The following PRR16 variants were observed in gnomAD, a reference collection of about 807,000 sequenced individuals.
PRR16 encodes the protein protein Largen.
PRR16 carries 6 observed loss-of-function variants against 18.2 expected under a neutral mutation model. That is an observed-to-expected ratio of 0.33 (90% CI 0.18 to 0.65). The LOEUF (loss-of-function observed/expected upper bound fraction) is 0.65. Ranked by LOEUF, PRR16 falls within the 30% of genes least tolerant of loss-of-function variation. The probability of loss-of-function intolerance (pLI) is 0.74; values close to 1 mark genes in which losing one functional copy is unlikely to be tolerated. For missense variants in PRR16, 412 were observed against 376.6 expected (o/e 1.09, Z -0.78); for synonymous variants, 151 against 147.8 (o/e 1.02, Z -0.16).
chr5:120,753,870 T>TTATATATAATATCTTATATATTA, the PRR16 span, among the ~76,000 whole-genome samples: 5 of 126,658 alleles, frequency 3.9e-5, no homozygotes, highest in South Asian at 1.1e-3. Context: ...ATCTTATATA[T>TTATATATAATATCTTATATATTA]TATATATTTA....
At chr5:120,753,964 T>C in the PRR16 span, among the ~76,000 whole-genome samples, 2 of 98,316 alleles carry the variant, frequency 2.0e-5, no homozygotes, top group African/African-American at 4.7e-5. Flanking sequence ...TTATATATAA[T>C]ATATGTTATA....
intron 1 of PRR16, among the ~76,000 whole-genome samples, chr5:120,580,528 C>T (rs1186376750): frequency 2.7e-5 from 4 of 148,434 alleles, no homozygotes; most frequent in Non-Finnish European, 5.9e-5. Context: ...GATCTCGGCT[C>T]ACTGCAAGCT....
the PRR16 span, among the ~76,000 whole-genome samples, chr5:120,774,044 A>G: frequency 6.9e-6 from 1 of 144,490 alleles, no homozygotes; most frequent in Non-Finnish European, 1.5e-5. Flanking sequence ...ATTACTAACT[A>G]GCTTTTATAA....
intron 1 of PRR16, among the ~76,000 whole-genome samples, chr5:120,506,989 C>T (rs1489374123): frequency 1.3e-5 from 2 of 152,020 alleles, no homozygotes; most frequent in Non-Finnish European, 2.9e-5. Context: ...CTGTTAATGG[C>T]CTTGGGAAGT....
the PRR16 span, among the ~76,000 whole-genome samples, chr5:120,777,548 T>C: frequency 1.3e-5 from 2 of 152,100 alleles, no homozygotes; most frequent in African/African-American, 4.8e-5. Context: ...TTGTCCTTTA[T>C]GGTTTATTAT....
intron 1 of PRR16, among the ~76,000 whole-genome samples, chr5:120,480,617 A>G (rs1749580512): frequency 6.6e-6 from 1 of 152,236 alleles, no homozygotes; most frequent in African/African-American, 2.4e-5. Flanking sequence ...GTTTCTAACC[A>G]TATTATGTTA....
chr5:120,718,771 C>G, the PRR16 span, among the ~76,000 whole-genome samples: 2 of 152,172 alleles, frequency 1.3e-5, no homozygotes, highest in South Asian at 4.1e-4. Context: ...GAGGGTTCAG[C>G]TTTAGGTAGG....
chr5:120,646,574 C>T (rs1412240616), intron 1 of PRR16, among the ~76,000 whole-genome samples: 1 of 151,930 alleles, frequency 6.6e-6, no homozygotes, highest in African/African-American at 2.4e-5. Flanking sequence ...TTTTAGCTTC[C>T]ATTAAGGAGA....
At chr5:120,792,102 C>T in the PRR16 span, among the ~76,000 whole-genome samples, 1 of 152,100 alleles carries the variant, frequency 6.6e-6, no homozygotes, top group African/African-American at 2.4e-5. Context: ...GGAAAGCCAA[C>T]TTTCCCAAAA....
chr5:120,620,583 T>C (rs559310542), intron 1 of PRR16, among the ~76,000 whole-genome samples: 5 of 152,284 alleles, frequency 3.3e-5, no homozygotes, highest in African/African-American at 1.2e-4. Context: ...GTTATTGTTG[T>C]TAAAATGTTG....
At chr5:120,749,449 T>C in the PRR16 span, among the ~76,000 whole-genome samples, 1 of 152,168 alleles carries the variant, frequency 6.6e-6, no homozygotes, top group Non-Finnish European at 1.5e-5. Context: ...AGAATAGTTA[T>C]AAATTATTAT....
At position 120,641,473 on chromosome 5, in the gene PRR16, T is replaced by A. The variant is rs189836628; in HGVS notation, c.160-44481T>A. Among the ~76,000 whole-genome samples, 84 of 152,234 alleles carry A rather than the reference T, an allele frequency of 5.5e-4. 2 individuals are homozygous for A. The East Asian group carries it at 0.013, about 23-fold the overall frequency. On this transcript the variant is annotated intron_variant, in intron 1 of 1. Coordinates refer to ENST00000407149, the MANE Select transcript of PRR16 (RefSeq NM_001300783.2). Reference sequence around the variant, plus strand: ...ATTTTCTTTTCTCCTCCTTTTCCTTTAACTATGTTATCCAGCCCTTCTACA... The same window carrying A: ...ATTTTCTTTTCTCCTCCTTTTCCTTAAACTATGTTATCCAGCCCTTCTACA...
At chr5:120,573,421 G>T (rs1213249667) in intron 1 of PRR16, among the ~76,000 whole-genome samples, 7 of 152,152 alleles carry the variant, frequency 4.6e-5, no homozygotes, top group Non-Finnish European at 1.0e-4. Context: ...ACTGGCCATA[G>T]TTCACACCAT....
At chr5:120,625,249 A>G (rs934070101) in intron 1 of PRR16, among the ~76,000 whole-genome samples, 3 of 152,196 alleles carry the variant, frequency 2.0e-5, no homozygotes, top group African/African-American at 4.8e-5. Context: ...GTGATGTTCT[A>G]TCTTGAAGCA....
intron 1 of PRR16, among the ~76,000 whole-genome samples, chr5:120,503,243 G>A (rs193221269): frequency 3.4e-4 from 52 of 152,150 alleles, no homozygotes; most frequent in Non-Finnish European, 4.0e-4. Context: ...ATGAGTGAGG[G>A]AAAAGGAGCA....
At chr5:120,690,637 G>A (rs17502163), downstream of PRR16, among the ~76,000 whole-genome samples, 11,827 of 152,150 alleles carry the variant, frequency 0.078, 504 homozygotes, top group South Asian at 0.11. Flanking sequence ...CACCTTTTCT[G>A]GGTCAATGTG....
intron 1 of PRR16, among the ~76,000 whole-genome samples, chr5:120,532,914 G>T (rs1261797751): frequency 6.6e-6 from 1 of 152,112 alleles, no homozygotes; most frequent in African/African-American, 2.4e-5. Context: ...AAAATGAATA[G>T]AATGAGTGGA....
intron 1 of PRR16, among the ~76,000 whole-genome samples, chr5:120,591,161 C>T (rs984905408): frequency 7.9e-5 from 12 of 151,840 alleles, no homozygotes; most frequent in African/African-American, 2.9e-4. Context: ...CGCCTGTAAT[C>T]CCAGCTACTC....
chr5:120,464,776 A>T, intron 1 of PRR16, 131 bp downstream of exon 1: 1 of 979,760 alleles, frequency 1.0e-6, no homozygotes, highest in Admixed American at 3.0e-5. Flanking sequence ...CTGCAGACGG[A>T]CTTTCTTTGC....
Sources: gnomAD v4.1 joint callset for allele counts (sites outside exome capture counted in the v4.1 genomes callset) on GRCh38, gnomAD v4.1.1 for gene constraint, MANE v1.5 for transcripts, NCBI Gene and HGNC (gene_info 2026-07-23, HGNC 2026-07-21) for gene names.